NEBL: variants seen among roughly 807,000 people sequenced by gnomAD.
The protein encoded by NEBL is LIM and SH3 protein 2.
NEBL carries 122 observed loss-of-function variants against 140.2 expected under a neutral mutation model. The observed-to-expected ratio is 0.87, with a 90% CI of 0.75 to 1.01. The LOEUF (loss-of-function observed/expected upper bound fraction) is 1.01, where lower values mean the gene tolerates loss of function less well. NEBL is among the 50% of genes least tolerant of loss of function. The pLI, the probability that NEBL is intolerant of heterozygous loss-of-function variation, is 0.00. For missense variants in NEBL, 1,365 were observed against 1,231.3 expected (o/e 1.11, Z -1.62); for synonymous variants, 436 against 398.9 (o/e 1.09, Z -1.11).
chr10:21,097,231 G>C (rs1444850644), intron 2 of NEBL, among the ~76,000 whole-genome samples: 2 of 70,902 alleles, frequency 2.8e-5, no homozygotes, highest in Admixed American at 1.3e-4. Flanking sequence ...GGGGGGGGGT[G>C]GGGCAGATCA....
chr10:20,881,065 T>C (rs1038584751), intron 4 of NEBL, among the ~76,000 whole-genome samples, 161 bp from the exon 5 acceptor site: 2 of 152,244 alleles, frequency 1.3e-5, no homozygotes, highest in African/African-American at 4.8e-5. Flanking sequence ...CATTCATCTT[T>C]ATGCTTCTGT....
intron 3 of NEBL, among the ~76,000 whole-genome samples, chr10:21,229,251 C>A (rs1223728592): frequency 6.6e-6 from 1 of 152,102 alleles, no homozygotes; most frequent in African/African-American, 2.4e-5. Flanking sequence ...CAAAGGCCTA[C>A]CTCTACTAAA....
In NEBL at chr10:20,803,846, T is replaced by C. The variant is rs144807780; in HGVS notation, c.2761+4664A>G. Among the ~76,000 whole-genome samples, 1,156 of 148,372 alleles carry C rather than the reference T, an allele frequency of 7.8e-3. 18 individuals carry two copies. Among genetic ancestry groups the C allele is most frequent in the African/African-American group, 0.027 (1,098 of 40,788 alleles). On this transcript the variant is annotated intron_variant, in intron 26 of 27. Transcript: ENST00000377122. ...ATATATATATATATATATGCACACA[T>C]ACTGGGAATGTTTTCACTTTAGAGT... is the stretch of plus-strand genomic sequence containing the variant.
chr10:20,816,640 T>C (rs1035174203), intron 21 of NEBL, among the ~76,000 whole-genome samples: 2 of 152,212 alleles, frequency 1.3e-5, no homozygotes, highest in Admixed American at 6.5e-5. Flanking sequence ...ATAAAAGATT[T>C]CTTTGAACGT....
At chr10:20,943,364 C>T (rs952716250) in intron 4 of NEBL, among the ~76,000 whole-genome samples, 14 of 152,212 alleles carry the variant, frequency 9.2e-5, no homozygotes, top group Non-Finnish European at 1.2e-4. Flanking sequence ...ACCGCATGTT[C>T]TCATTCATAG....
At chr10:21,186,389 C>T (rs563163054) in intron 3 of NEBL, among the ~76,000 whole-genome samples, 6 of 151,844 alleles carry the variant, frequency 4.0e-5, no homozygotes, top group Admixed American at 3.9e-4. Context: ...GGGACTAGGT[C>T]ATGAGGGTGT....
At chr10:21,151,561 C>T (rs908439905) in intron 2 of NEBL, among the ~76,000 whole-genome samples, 4 of 152,182 alleles carry the variant, frequency 2.6e-5, no homozygotes, top group Non-Finnish European at 5.9e-5. Context: ...CTCTGCTCAA[C>T]ACCCCAGCAA....
intron 12 of NEBL, among the ~76,000 whole-genome samples, chr10:20,843,460 C>A (rs553567481): frequency 2.9e-4 from 44 of 151,852 alleles, no homozygotes; most frequent in African/African-American, 1.1e-3. Flanking sequence ...AAGAAAAAGG[C>A]AATGGCACAT....
At chr10:20,789,032 C>T (rs937442042) in intron 26 of NEBL, among the ~76,000 whole-genome samples, 3 of 152,170 alleles carry the variant, frequency 2.0e-5, no homozygotes, top group Non-Finnish European at 4.4e-5. Flanking sequence ...ATGTTCAAGG[C>T]ATGCCAGGAA....
At chr10:20,854,950 C>T (rs867356519) in intron 9 of NEBL, among the ~76,000 whole-genome samples, 2 of 151,856 alleles carry the variant, frequency 1.3e-5, no homozygotes, top group East Asian at 1.9e-4. Flanking sequence ...TTTGGCTAGG[C>T]GCGGTGGCTC....
At chr10:21,098,473 T>C (rs1837308398) in intron 2 of NEBL, among the ~76,000 whole-genome samples, 1 of 152,152 alleles carries the variant, frequency 6.6e-6, no homozygotes, top group South Asian at 2.1e-4. Flanking sequence ...ATTATGCAAA[T>C]AAAACTGCAT....
chr10:20,931,445 T>C (rs960576970), intron 4 of NEBL, among the ~76,000 whole-genome samples: 1 of 152,080 alleles, frequency 6.6e-6, no homozygotes, highest in Non-Finnish European at 1.5e-5. Flanking sequence ...AATGGACAAA[T>C]CAGAATTGAA....
At position 20,779,996 on chromosome 10, in the gene NEBL, G is replaced by A. The variant is rs903751285; in HGVS notation, c.*5751C>T. ...TATTTGGAAGAAGTGTTTATTCTAC[G>A]AGCAGATGTCATCCGCAAAGTTTAT... On this transcript the variant is annotated 3_prime_UTR_variant, in exon 28 of 28. Coordinates refer to ENST00000377122, the MANE Select transcript of NEBL (RefSeq NM_006393.3). 1 of 152,082 alleles carries A rather than the reference G, an allele frequency of 6.6e-6. No individual in the cohort carries two copies. Among genetic ancestry groups the A allele is most frequent in the Non-Finnish European group, 1.5e-5 (1 of 68,018 alleles). 9.4% of individuals were successfully genotyped at this position (152,082 alleles called of 1,614,324 possible).
intron 7 of NEBL, among the ~76,000 whole-genome samples, chr10:20,864,584 T>C (rs1274108554): frequency 6.6e-6 from 1 of 152,206 alleles, no homozygotes; most frequent in African/African-American, 2.4e-5. Context: ...CATTGCCTTG[T>C]CATTGCCTTC....
chr10:21,018,412 G>C (rs1838645905), intron 3 of NEBL, among the ~76,000 whole-genome samples: 1 of 152,074 alleles, frequency 6.6e-6, no homozygotes, highest in Non-Finnish European at 1.5e-5. Flanking sequence ...GGTACCCCTG[G>C]GGGTGTGAAT....
chr10:21,189,786 G>A (rs919742359), intron 3 of NEBL, among the ~76,000 whole-genome samples: 1 of 152,108 alleles, frequency 6.6e-6, no homozygotes, highest in Non-Finnish European at 1.5e-5. Context: ...GTTGTTTTAA[G>A]CAACCACATT....
chr10:21,002,515 A>G (rs2131718138), intron 3 of NEBL, among the ~76,000 whole-genome samples: 1 of 152,322 alleles, frequency 6.6e-6, no homozygotes, highest in African/African-American at 2.4e-5. Context: ...GTATTAGTCC[A>G]TTCTCACGCT....
chr10:20,972,512 A>G (rs1366964554), intron 3 of NEBL, among the ~76,000 whole-genome samples: 1 of 152,228 alleles, frequency 6.6e-6, no homozygotes, highest in Non-Finnish European at 1.5e-5. Context: ...TGGAAGGCCA[A>G]GGTGGGCGGA....
intron 2 of NEBL, among the ~76,000 whole-genome samples, chr10:21,109,736 A>T (rs556752457): frequency 1.3e-5 from 2 of 152,146 alleles, no homozygotes; most frequent in East Asian, 3.9e-4. Flanking sequence ...GGGAGAATGT[A>T]TGTGTCCAGG....
Sources: allele counts gnomAD v4.1 joint callset (sites outside exome capture counted in the v4.1 genomes callset), GRCh38; gene constraint gnomAD v4.1.1; transcripts MANE v1.5; gene names NCBI Gene and HGNC (gene_info 2026-07-23, HGNC 2026-07-21).